Variants in LZTFL1 observed in about 807,000 individuals in gnomAD.
LZTFL1 encodes leucine zipper transcription factor-like protein 1.
Under a neutral mutation model 45.9 loss-of-function variants are expected in LZTFL1, and 25 were observed. The ratio of observed to expected loss-of-function variants is 0.54; its 90% CI spans 0.40 to 0.76. LZTFL1 has a LOEUF of 0.76. Ranked by LOEUF, LZTFL1 falls within the 30% of genes least tolerant of loss-of-function variation. The pLI, the probability that LZTFL1 is intolerant of heterozygous loss-of-function variation, is 0.00. For missense variants in LZTFL1, 277 were observed against 331.1 expected (o/e 0.84, Z 1.27); for synonymous variants, 93 against 117.4 (o/e 0.79, Z 1.35).
intron 2 of LZTFL1, among the ~76,000 whole-genome samples, chr3:45,875,373 G>A (rs559719025): frequency 2.0e-5 from 3 of 152,286 alleles, no homozygotes; most frequent in Admixed American, 1.3e-4. Context: ...TATATCAGGA[G>A]GAGTATCTAA....
At chr3:45,908,069 C>G (rs534524311) in intron 2 of LZTFL1, among the ~76,000 whole-genome samples, 1 of 151,718 alleles carries the variant, frequency 6.6e-6, no homozygotes, top group African/African-American at 2.4e-5. Flanking sequence ...GAGAAAGGAG[C>G]AACAGTTTCT....
At chr3:45,907,241 C>G (rs542813787) in intron 2 of LZTFL1, among the ~76,000 whole-genome samples, 2 of 152,170 alleles carry the variant, frequency 1.3e-5, no homozygotes, top group Admixed American at 6.5e-5. Context: ...CCTAAGCCTC[C>G]TCCCCTGCCC....
chr3:45,864,874 T>C (rs181975385), intron 2 of LZTFL1, among the ~76,000 whole-genome samples: 201 of 152,346 alleles, frequency 1.3e-3, no homozygotes, highest in Non-Finnish European at 2.6e-3. Context: ...GTTTTACTCA[T>C]TTCCAGAGCT....
intron 2 of LZTFL1, among the ~76,000 whole-genome samples, chr3:45,883,168 T>C (rs1328271056): frequency 6.6e-6 from 1 of 152,244 alleles, no homozygotes; most frequent in Admixed American, 6.5e-5. Flanking sequence ...TGGTGTCTAC[T>C]GAATAGAGAG....
upstream of LZTFL1, among the ~76,000 whole-genome samples, chr3:45,846,105 A>G (rs1006164109): frequency 6.6e-6 from 1 of 152,236 alleles, no homozygotes; most frequent in Non-Finnish European, 1.5e-5. Context: ...GTGAGTTCCT[A>G]CTGGGTTCCA....
intron 2 of LZTFL1, among the ~76,000 whole-genome samples, chr3:45,871,448 G>A (rs1401610100): frequency 6.6e-6 from 1 of 152,184 alleles, no homozygotes; most frequent in Non-Finnish European, 1.5e-5. Context: ...GCTAGATAGA[G>A]CACCTTTTCA....
chr3:45,868,662 G>A (rs574122232), intron 2 of LZTFL1, among the ~76,000 whole-genome samples: 2 of 152,156 alleles, frequency 1.3e-5, no homozygotes, highest in South Asian at 2.1e-4. Context: ...TGGTAGGGGG[G>A]GTAAACCCAA....
At chr3:45,836,883 G>A (rs1700980248) in intron 2 of LZTFL1, among the ~76,000 whole-genome samples, 1 of 152,112 alleles carries the variant, frequency 6.6e-6, no homozygotes, top group Admixed American at 6.5e-5. Context: ...CCTTGAAAAA[G>A]CTTCTGTGTG....
At chr3:45,873,421 T>C (rs939874103) in intron 2 of LZTFL1, among the ~76,000 whole-genome samples, 1 of 152,220 alleles carries the variant, frequency 6.6e-6, no homozygotes, top group Non-Finnish European at 1.5e-5. Context: ...TCAGCCTTAC[T>C]TGCCTTACTT....
At chr3:45,857,448 G>C (rs1446096187) in intron 3 of LZTFL1, among the ~76,000 whole-genome samples, 1 of 152,122 alleles carries the variant, frequency 6.6e-6, no homozygotes, top group African/African-American at 2.4e-5. Context: ...GGGTTGATAA[G>C]TGCAGCAAAC....
intron 2 of LZTFL1, chr3:45,902,141 G>T (rs201332768): frequency 2.3e-6 from 1 of 439,640 alleles, no homozygotes; most frequent in Non-Finnish European, 4.2e-6. Context: ...GGAGGACTAA[G>T]GACCGGCACT....
intron 3 of LZTFL1, chr3:45,858,877 G>T (rs13065964): frequency 6.6e-6 from 1 of 151,958 alleles, no homozygotes; most frequent in Admixed American, 6.5e-5. Context: ...CACAGAAATC[G>T]GTGTTTGTTC....
upstream of LZTFL1, chr3:45,842,136 C>A (rs1007859426): frequency 3.9e-6 from 6 of 1,520,944 alleles, no homozygotes; most frequent in Non-Finnish European, 5.3e-6. Flanking sequence ...TAACGGAAAC[C>A]GAGGCACGTG....
At chr3:45,832,399 C>A (rs941493477) in intron 5 of LZTFL1, among the ~76,000 whole-genome samples, 1 of 152,118 alleles carries the variant, frequency 6.6e-6, no homozygotes, top group African/African-American at 2.4e-5. Flanking sequence ...TTTCTGAGTG[C>A]TGACATGATG....
chr3:45,906,464 T>C (rs375359905), intron 2 of LZTFL1, among the ~76,000 whole-genome samples: 1 of 152,122 alleles, frequency 6.6e-6, no homozygotes, highest in Admixed American at 6.5e-5. Context: ...CTTTGGAGGG[T>C]TGACCAGCAT....
intron 2 of LZTFL1, among the ~76,000 whole-genome samples, chr3:45,893,465 C>T (rs990717714): frequency 1.3e-5 from 2 of 151,306 alleles, no homozygotes; most frequent in Admixed American, 6.6e-5. Flanking sequence ...ACCTCCCCTT[C>T]TCTCTCTCTC....
At chr3:45,838,198 C>A in intron 1 of LZTFL1, 147 bp from the exon 2 acceptor site, 2 of 810,040 alleles carry the variant, frequency 2.5e-6, no homozygotes. Context: ...CATGGCTGCC[C>A]ACCTAGATGA....
intron 2 of LZTFL1, chr3:45,883,935 T>G (rs1701913159): frequency 2.4e-6 from 1 of 415,698 alleles, no homozygotes; most frequent in African/African-American, 2.1e-5. Context: ...GATGCAGCCT[T>G]GGAACCAGAA....
chr3:45,873,767 C>T (rs1378146705), intron 2 of LZTFL1, among the ~76,000 whole-genome samples: 1 of 152,210 alleles, frequency 6.6e-6, no homozygotes, highest in African/African-American at 2.4e-5. Context: ...AAACCTCTTC[C>T]TGCCTCTGAG....
Sources: gnomAD v4.1 joint callset for allele counts (sites outside exome capture counted in the v4.1 genomes callset) on GRCh38, gnomAD v4.1.1 for gene constraint, MANE v1.5 for transcripts, NCBI Gene and HGNC (gene_info 2026-07-23, HGNC 2026-07-21) for gene names.